LIN52: variants seen among roughly 807,000 people sequenced by gnomAD.
LIN52 encodes lin-52 DREAM MuvB core complex component.
LIN52 carries 4 observed loss-of-function variants against 18.5 expected under a neutral mutation model. The ratio of observed to expected loss-of-function variants is 0.22; its 90% CI spans 0.11 to 0.49. The LOEUF (loss-of-function observed/expected upper bound fraction) is 0.49, where lower values mean the gene tolerates loss of function less well. Among genes scored for constraint, LIN52 ranks in the 20% least tolerant of loss-of-function variants. The pLI is 0.97. For missense variants in LIN52, 102 were observed against 139.5 expected, an observed-to-expected ratio of 0.73 and a Z score of 1.35; for synonymous variants, 34 against 45.5, an observed-to-expected ratio of 0.75 and a Z score of 1.02.
At chr14:74,091,905 G>A (rs2060774669) in intron 2 of LIN52, among the ~76,000 whole-genome samples, 1 of 151,844 alleles carries the variant, frequency 6.6e-6, no homozygotes, top group Non-Finnish European at 1.5e-5. Flanking sequence ...CCAGTGTTAA[G>A]AATAGCTGTT....
chr14:74,085,114 A>AT, intron 1 of LIN52, 121 bp downstream of exon 1: 81 of 999,344 alleles, frequency 8.1e-5, no homozygotes, highest in Non-Finnish European at 9.2e-5. Context: ...TTTCCCTTTT[A>AT]TTTTTTTTCT....
intron 5 of LIN52, among the ~76,000 whole-genome samples, chr14:74,161,711 G>A (rs1023909093): frequency 3.9e-5 from 6 of 152,154 alleles, no homozygotes; most frequent in African/African-American, 9.7e-5. Context: ...GTGCATTGCC[G>A]GAGCAGCCCA....
intron 5 of LIN52, among the ~76,000 whole-genome samples, chr14:74,160,611 C>G (rs931029515): frequency 6.6e-6 from 1 of 152,134 alleles, no homozygotes; most frequent in East Asian, 1.9e-4. Context: ...TTTTCTAAGT[C>G]TTCTACAGTT....
chr14:74,120,629 C>G lies in LIN52; in HGVS notation c.283+19391C>G, dbSNP rs1025595691. The stretch of plus-strand genomic sequence containing the variant: ...AATTAGCCGGGCTTGGTGGTGGGTG[C>G]CTGTAATCCCAGCTACTCGGGAGGT... On this transcript the variant is annotated intron_variant, in intron 5 of 5. Transcript: ENST00000555028. Among the ~76,000 whole-genome samples the G allele has an allele frequency of 1.1e-4, 17 of 152,070 alleles. 1 individual carries two copies. In the East Asian group the frequency reaches 1.3e-3, roughly 12 times the overall value.
chr14:74,094,438 T>TG (rs1171044056), intron 2 of LIN52, among the ~76,000 whole-genome samples: 2 of 151,860 alleles, frequency 1.3e-5, no homozygotes, highest in Non-Finnish European at 2.9e-5. Context: ...TAAAAAATTT[T>TG]GGGGGGGACA....
intron 5 of LIN52, among the ~76,000 whole-genome samples, chr14:74,149,071 C>G (rs1003104975): frequency 6.6e-6 from 1 of 152,146 alleles, no homozygotes; most frequent in Admixed American, 6.6e-5. Flanking sequence ...CTTCCTGTGA[C>G]AGGCGGTGAT....
intron 5 of LIN52, among the ~76,000 whole-genome samples, chr14:74,192,256 C>T (rs1360256376): frequency 2.0e-5 from 3 of 151,974 alleles, no homozygotes; most frequent in Non-Finnish European, 2.9e-5. Flanking sequence ...GGAAGCAAGA[C>T]TGAGAACAGT....
intron 5 of LIN52, among the ~76,000 whole-genome samples, chr14:74,157,612 C>A (rs1326787413): frequency 6.6e-6 from 1 of 151,944 alleles, no homozygotes. Context: ...GACTACTCAC[C>A]ACCACACCTG....
intron 5 of LIN52, among the ~76,000 whole-genome samples, chr14:74,116,804 G>T (rs917560358): frequency 1.3e-5 from 2 of 149,336 alleles, no homozygotes; most frequent in Non-Finnish European, 3.0e-5. Context: ...GTGACAAAAT[G>T]CAGAACATAC....
chr14:74,199,006 G>T lies in LIN52; in HGVS notation c.*29G>T, dbSNP rs770930024. The T allele has an allele frequency of 1.2e-5, 19 of 1,560,742 alleles. No individual in the cohort carries two copies. Among genetic ancestry groups the T allele is most frequent in the Non-Finnish European group, 1.4e-5 (16 of 1,132,818 alleles). On this transcript the variant is annotated 3_prime_UTR_variant, in exon 6 of 6. Transcript: ENST00000555028. ...CTGCTTGCGGACAGGATGTCCTGGG[G>T]TCCGAAACCAAGCTCCCTTCCCGGT...
intron 5 of LIN52, among the ~76,000 whole-genome samples, chr14:74,195,670 G>A (rs2078908432): frequency 6.6e-6 from 1 of 152,056 alleles, no homozygotes; most frequent in African/African-American, 2.4e-5. Flanking sequence ...TGTTTCAGAA[G>A]TCAAAAATGA....
intron 2 of LIN52, among the ~76,000 whole-genome samples, chr14:74,091,534 C>T (rs1276149105): frequency 2.0e-5 from 3 of 151,602 alleles, no homozygotes; most frequent in Non-Finnish European, 1.5e-5. Flanking sequence ...TTTGGGAGGC[C>T]GAGTTGGGAG....
chr14:74,144,020 AG>A (rs2061143909), intron 5 of LIN52, among the ~76,000 whole-genome samples: 1 of 151,574 alleles, frequency 6.6e-6, no homozygotes, highest in African/African-American at 2.4e-5. Flanking sequence ...TCCACATATG[AG>A]TGAGATCATG....
chr14:74,101,357 A>G, intron 5 of LIN52, 119 bp downstream of exon 5: 1 of 582,364 alleles, frequency 1.7e-6, no homozygotes, highest in Non-Finnish European at 2.9e-6. Flanking sequence ...TATTAGGGAA[A>G]AGAGAAGCAT....
intron 5 of LIN52, among the ~76,000 whole-genome samples, chr14:74,141,813 G>A (rs561233860): frequency 1.3e-5 from 2 of 152,270 alleles, no homozygotes; most frequent in South Asian, 2.1e-4. Context: ...ACTGACTGGC[G>A]GCTTCCTCTA....
At chr14:74,104,355 C>G (rs2878783) in intron 5 of LIN52, among the ~76,000 whole-genome samples, 26,213 of 151,966 alleles carry the variant, frequency 0.17, 2,756 homozygotes, top group East Asian at 0.58. Context: ...GAGTCTGGAT[C>G]TAAATAAGGT....
chr14:74,099,670 C>CA (rs1179654217), intron 4 of LIN52, among the ~76,000 whole-genome samples: 1 of 151,296 alleles, frequency 6.6e-6, no homozygotes, highest in African/African-American at 2.4e-5. Context: ...ATTTGGGGAT[C>CA]AGAGTTTTTA....
At chr14:74,086,097 C>T (rs889194271) in intron 1 of LIN52, among the ~76,000 whole-genome samples, 21 of 152,024 alleles carry the variant, frequency 1.4e-4, no homozygotes, top group Admixed American at 7.2e-4. Context: ...GTTGCCCTTT[C>T]CCACCATTAT....
rs1566856536 is a variant in LIN52, at chr14:74,130,284, T to TG, written c.283+29046_283+29047insG. Among the ~76,000 whole-genome samples the TG allele has an allele frequency of 1.4e-3, 177 of 127,950 alleles. 7 individuals are homozygous for TG. Among genetic ancestry groups the TG allele is most frequent in the African/African-American group, 5.1e-3 (165 of 32,260 alleles). 83.9% of individuals were successfully genotyped at this position (127,950 alleles called of 152,430 possible). A position where few individuals can be genotyped will look rare whatever the true frequency, so the allele number is the denominator to read the frequency against. On this transcript the variant is annotated intron_variant, in intron 5 of 5. Coordinates refer to ENST00000555028, the MANE Select transcript of LIN52 (RefSeq NM_001024674.3). ...ATTAGATAGGCATTTTTTGGTTTTT[T>TG]TTTTTTTTTTTTGAGACAGTCTCGC...
Sources: gnomAD v4.1 joint callset for allele counts (sites outside exome capture counted in the v4.1 genomes callset) on GRCh38, gnomAD v4.1.1 for gene constraint, MANE v1.5 for transcripts, NCBI Gene and HGNC (gene_info 2026-07-23, HGNC 2026-07-21) for gene names.